The following SLC16A7 variants were observed in gnomAD, a reference collection of about 807,000 sequenced individuals.
SLC16A7 encodes solute carrier family 16 member 7.
A neutral mutation model predicts 34.9 loss-of-function variants in SLC16A7; 33 were observed. The observed-to-expected ratio is 0.94, with a 90% confidence interval of 0.72 to 1.26. The LOEUF (loss-of-function observed/expected upper bound fraction) is 1.26, where lower values mean the gene tolerates loss of function less well. Among genes scored for constraint, SLC16A7 ranks in the 50% most tolerant of loss-of-function variants. The pLI is 0.00. For missense variants in SLC16A7, 573 were observed against 578.1 expected, an observed-to-expected ratio of 0.99 and a Z score of 0.09; for synonymous variants, 201 against 206.6, an observed-to-expected ratio of 0.97 and a Z score of 0.23.
chr12:59,669,248 T>A (rs1480948826), intron 2 of SLC16A7, among the ~76,000 whole-genome samples: 6 of 152,220 alleles, frequency 3.9e-5, no homozygotes, highest in African/African-American at 1.4e-4. Context: ...ATGTGAATCA[T>A]ATTCATTTCA....
intron 3 of SLC16A7, among the ~76,000 whole-genome samples, chr12:59,770,271 T>G (rs1882093293): frequency 6.6e-6 from 1 of 152,136 alleles, no homozygotes; most frequent in South Asian, 2.1e-4. Flanking sequence ...ACCGGACTCT[T>G]CTAAATTACT....
At chr12:59,750,103 A>G (rs934663893) in intron 3 of SLC16A7, among the ~76,000 whole-genome samples, 2 of 152,248 alleles carry the variant, frequency 1.3e-5, no homozygotes, top group Non-Finnish European at 2.9e-5. Context: ...ACTTTAAACC[A>G]TAAAAACCCT....
intron 3 of SLC16A7, among the ~76,000 whole-genome samples, chr12:59,740,236 G>A (rs1404691916): frequency 6.6e-6 from 1 of 151,726 alleles, no homozygotes; most frequent in Non-Finnish European, 1.5e-5. Flanking sequence ...GTGTAAGGAA[G>A]GGATCCAGTT....
intron 2 of SLC16A7, among the ~76,000 whole-genome samples, chr12:59,684,884 C>A (rs983545358): frequency 6.6e-6 from 1 of 151,932 alleles, no homozygotes; most frequent in African/African-American, 2.4e-5. Context: ...TAGGGGGAGG[C>A]AAAGGGGGAA....
At chr12:59,774,548 G>A (rs890824101) in intron 4 of SLC16A7, 109 bp from the exon 5 acceptor site, 16 of 640,138 alleles carry the variant, frequency 2.5e-5, no homozygotes, top group Admixed American at 6.4e-5. Flanking sequence ...ATGATATTGC[G>A]TTTTTAATTC....
chr12:59,752,702 C>A (rs1351234165), intron 3 of SLC16A7, among the ~76,000 whole-genome samples: 1 of 152,186 alleles, frequency 6.6e-6, no homozygotes, highest in East Asian at 1.9e-4. Context: ...TCCAGGAGAA[C>A]TTCCCCAATC....
intron 5 of SLC16A7, among the ~76,000 whole-genome samples, chr12:59,777,353 T>C (rs1372771817): frequency 6.6e-6 from 1 of 152,160 alleles, no homozygotes; most frequent in Non-Finnish European, 1.5e-5. Flanking sequence ...TATTTGATTA[T>C]CGCTAGAACT....
At chr12:59,708,526 G>T (rs1188013151) in intron 3 of SLC16A7, among the ~76,000 whole-genome samples, 1 of 152,166 alleles carries the variant, frequency 6.6e-6, no homozygotes, top group Non-Finnish European at 1.5e-5. Context: ...GAGCAAAGGT[G>T]AAAAGACATA....
chr12:59,685,275 T>C (rs994470891), intron 2 of SLC16A7, among the ~76,000 whole-genome samples: 2 of 152,168 alleles, frequency 1.3e-5, no homozygotes, highest in Non-Finnish European at 2.9e-5. Context: ...AAATTCTAAA[T>C]ATAAGGACTT....
intron 3 of SLC16A7, among the ~76,000 whole-genome samples, chr12:59,750,048 T>G (rs547515266): frequency 4.6e-5 from 7 of 152,230 alleles, no homozygotes; most frequent in African/African-American, 1.4e-4. Context: ...TCTTTACACC[T>G]TATACAAAAA....
chr12:59,693,501 A>G (rs1429497635), intron 2 of SLC16A7, among the ~76,000 whole-genome samples: 1 of 151,906 alleles, frequency 6.6e-6, no homozygotes, highest in African/African-American at 2.4e-5. Flanking sequence ...TTCTAAAAGA[A>G]AAGGCAAAGT....
At chr12:59,676,773 A>G (rs1367915568) in intron 2 of SLC16A7, among the ~76,000 whole-genome samples, 1 of 152,174 alleles carries the variant, frequency 6.6e-6, no homozygotes, top group Non-Finnish European at 1.5e-5. Context: ...AAGTAGGTAA[A>G]GGGACATATT....
intron 3 of SLC16A7, among the ~76,000 whole-genome samples, chr12:59,754,047 T>C (rs936584332): frequency 6.6e-6 from 1 of 152,168 alleles, no homozygotes; most frequent in African/African-American, 2.4e-5. Context: ...AAAGATGTCC[T>C]TTGAAACCAA....
At position 59,785,862 on chromosome 12, in the gene SLC16A7, TTAAAA is replaced by T. The variant is rs552131840; in HGVS notation, c.*6186_*6190del. 2.7e-4 allele frequency: 41 copies of T among 152,114 alleles called. No individual in the cohort carries two copies. The highest frequency in any genetic ancestry group is 9.6e-4 in the African/African-American group (40 of 41,508). The allele number at this position is 152,114 out of a possible 1,614,324, so 9.4% of individuals were successfully genotyped here. On this transcript the variant is annotated 3_prime_UTR_variant, in exon 6 of 6. Transcript: ENST00000547379. ...GAAAACACTGATACTGAACATTCTA[TTAAAA>T]TAGAATAAGTTCGTGTAGGGACATG...
At chr12:59,622,784 G>A (rs1879751032) in intron 1 of SLC16A7, among the ~76,000 whole-genome samples, 2 of 151,838 alleles carry the variant, frequency 1.3e-5, no homozygotes, top group South Asian at 4.2e-4. Context: ...TTGAACACTG[G>A]AATTATGGAT....
intron 1 of SLC16A7, among the ~76,000 whole-genome samples, chr12:59,614,770 C>T (rs1201287481): frequency 7.5e-6 from 1 of 132,924 alleles, no homozygotes; most frequent in Non-Finnish European, 1.5e-5. Context: ...GGGTGGATCA[C>T]GAGGTCAGGA....
At chr12:59,679,302 G>A (rs577282980) in intron 2 of SLC16A7, among the ~76,000 whole-genome samples, 13 of 152,226 alleles carry the variant, frequency 8.5e-5, no homozygotes, top group Admixed American at 3.3e-4. Context: ...TGGGACTTCC[G>A]CCTATTCCCG....
At chr12:59,602,507 A>T (rs1878734673) in intron 1 of SLC16A7, among the ~76,000 whole-genome samples, 1 of 117,180 alleles carries the variant, frequency 8.5e-6, no homozygotes, top group Admixed American at 1.0e-4. Flanking sequence ...TTTTTGAGAC[A>T]GGGTTTCACT....
intron 3 of SLC16A7, among the ~76,000 whole-genome samples, chr12:59,765,786 T>C (rs1881549760): frequency 6.6e-6 from 1 of 152,216 alleles, no homozygotes; most frequent in Admixed American, 6.5e-5. Context: ...AGCTGTGTTC[T>C]TTTGACTTAA....
Sources: gnomAD v4.1 joint callset for allele counts (sites outside exome capture counted in the v4.1 genomes callset) on GRCh38, gnomAD v4.1.1 for gene constraint, MANE v1.5 for transcripts, NCBI Gene and HGNC (gene_info 2026-07-23, HGNC 2026-07-21) for gene names.